Variants in TACC2 observed in about 807,000 individuals in gnomAD.
TACC2 encodes the protein transforming acidic coiled-coil-containing protein 2.
TACC2 carries 137 observed loss-of-function variants against 227.3 expected under a neutral mutation model. The observed-to-expected ratio is 0.60, with a 90% CI of 0.52 to 0.69. TACC2 has a LOEUF of 0.69. TACC2 is among the 30% of genes least tolerant of loss of function. The pLI, the probability that TACC2 is intolerant of heterozygous loss-of-function variation, is 0.00. For synonymous variants in TACC2, 1,523 were observed against 1,487.5 expected, an observed-to-expected ratio of 1.02 and a Z score of -0.55; for missense variants, 3,470 against 3,694.4, an observed-to-expected ratio of 0.94 and a Z score of 1.57.
chr10:122,139,335 C>A (rs1055118444), intron 6 of TACC2, among the ~76,000 whole-genome samples: 1 of 152,238 alleles, frequency 6.6e-6, no homozygotes, highest in Admixed American at 6.5e-5. Flanking sequence ...TGCTCACGCT[C>A]TCACGTGAAC....
chr10:122,000,678 T>C (rs904528992), intron 1 of TACC2, among the ~76,000 whole-genome samples: 2 of 152,230 alleles, frequency 1.3e-5, no homozygotes, highest in Admixed American at 1.3e-4. Flanking sequence ...CATCCTTATG[T>C]ACCCATTACT....
intron 11 of TACC2, among the ~76,000 whole-genome samples, chr10:122,223,036 CCT>C (rs11385698): frequency 0.095 from 13,375 of 140,566 alleles, 1,104 homozygotes; most frequent in East Asian, 0.34. Context: ...CCTTCCTCCT[CCT>C]CTCTCTCTCT....
chr10:122,170,503 T>C (rs933070205), intron 7 of TACC2, among the ~76,000 whole-genome samples: 4 of 152,050 alleles, frequency 2.6e-5, no homozygotes, highest in African/African-American at 4.8e-5. Context: ...GGTTTCATCA[T>C]GTTGGCCAGG....
chr10:122,076,825 A>G (rs1197857849), intron 3 of TACC2, among the ~76,000 whole-genome samples: 1 of 152,084 alleles, frequency 6.6e-6, no homozygotes, highest in African/African-American at 2.4e-5. Flanking sequence ...AAGAATGTTC[A>G]TGATCTGGGC....
chr10:122,157,346 A>T (rs1159786839), intron 7 of TACC2, among the ~76,000 whole-genome samples: 1 of 151,990 alleles, frequency 6.6e-6, no homozygotes, highest in Non-Finnish European at 1.5e-5. Flanking sequence ...TTGCCAGGAG[A>T]GCTGAGGAGC....
In TACC2 at chr10:122,163,621, C is replaced by T. The variant is rs74870492; in HGVS notation, c.5834+19915C>T. Reference sequence around the variant, plus strand: ...GGTTTAAGAGAAGAGCCTTTCGGACCACACCGGCGCTCACGCTCATACCCG... The same window carrying T: ...GGTTTAAGAGAAGAGCCTTTCGGACTACACCGGCGCTCACGCTCATACCCG... On this transcript the variant is annotated intron_variant, in intron 7 of 22. Transcript: ENST00000369005. The T allele has an allele frequency of 0.017, 16,897 of 1,023,756 alleles. 1,997 individuals are homozygous for T. In the African/African-American group the frequency reaches 0.26, roughly 16 times the overall value. The allele number at this position is 1,023,756 out of a possible 1,614,324, so 63.4% of individuals were successfully genotyped here.
At chr10:122,138,681 G>A (rs2139078262) in intron 6 of TACC2, among the ~76,000 whole-genome samples, 1 of 152,324 alleles carries the variant, frequency 6.6e-6, no homozygotes, top group Non-Finnish European at 1.5e-5. Context: ...AGCGTGCTGA[G>A]TGAATTGGGG....
At chr10:122,144,181 C>T (rs2091070596) in intron 7 of TACC2, among the ~76,000 whole-genome samples, 1 of 152,256 alleles carries the variant, frequency 6.6e-6, no homozygotes, top group Non-Finnish European at 1.5e-5. Flanking sequence ...GAAGGTCAAT[C>T]CTTTTCCTTT....
At chr10:122,073,124 AAAATAT>A (rs1428791344) in intron 3 of TACC2, among the ~76,000 whole-genome samples, 34 of 66,038 alleles carry the variant, frequency 5.1e-4, no homozygotes, top group Admixed American at 1.1e-3. Flanking sequence ...AAAAAAAAAA[AAAATAT>A]ATATATATAT....
At chr10:122,173,851 G>A (rs1324112465) in intron 7 of TACC2, among the ~76,000 whole-genome samples, 2 of 152,224 alleles carry the variant, frequency 1.3e-5, no homozygotes, top group African/African-American at 4.8e-5. Context: ...ATGAAAGCCA[G>A]CCCCTCTCTG....
chr10:122,108,182 T>C (rs1308786500), intron 5 of TACC2, among the ~76,000 whole-genome samples: 4 of 151,894 alleles, frequency 2.6e-5, no homozygotes, highest in South Asian at 2.1e-4. Context: ...TGAGCCACTG[T>C]GCCCGGCCAA....
At chr10:122,014,640 C>G (rs7919340) in intron 1 of TACC2, among the ~76,000 whole-genome samples, 69,359 of 151,974 alleles carry the variant, frequency 0.46, 15,969 homozygotes, top group South Asian at 0.6. Flanking sequence ...CCTGCTCTGC[C>G]CACTGTGGCT....
At chr10:122,028,454 T>C (rs1171524090) in intron 2 of TACC2, among the ~76,000 whole-genome samples, 2 of 152,214 alleles carry the variant, frequency 1.3e-5, no homozygotes, top group Non-Finnish European at 2.9e-5. Flanking sequence ...TATTTTATGA[T>C]GTTTATACCT....
At chr10:122,232,750 T>TA (rs1367057169) in intron 16 of TACC2, among the ~76,000 whole-genome samples, 1 of 152,202 alleles carries the variant, frequency 6.6e-6, no homozygotes, top group African/African-American at 2.4e-5. Flanking sequence ...AGTTGGTCCC[T>TA]GTGGGTTTCT....
At chr10:122,240,095 G>T (rs1022202099) in intron 18 of TACC2, among the ~76,000 whole-genome samples, 1 of 152,174 alleles carries the variant, frequency 6.6e-6, no homozygotes, top group African/African-American at 2.4e-5. Flanking sequence ...CATCAGTAAT[G>T]CTGGGAACAG....
At chr10:122,220,571 AG>A (rs1255659992) in intron 11 of TACC2, among the ~76,000 whole-genome samples, 4 of 152,320 alleles carry the variant, frequency 2.6e-5, no homozygotes, top group African/African-American at 7.2e-5. Context: ...ACACACACCC[AG>A]GGGTGCTGAT....
intron 13 of TACC2, among the ~76,000 whole-genome samples, chr10:122,226,992 C>CT (rs2095642646): frequency 6.6e-6 from 1 of 152,178 alleles, no homozygotes; most frequent in Non-Finnish European, 1.5e-5. Flanking sequence ...CTTGCCTCTC[C>CT]TGGGCCTCAG....
intron 5 of TACC2, chr10:122,127,236 C>A (rs1011146991): frequency 3.3e-5 from 5 of 152,734 alleles, no homozygotes; most frequent in African/African-American, 1.2e-4. Flanking sequence ...CTTCACAGTT[C>A]TCCTTTCTTT....
intron 1 of TACC2, among the ~76,000 whole-genome samples, chr10:122,007,171 A>AT (rs1388223146): frequency 4.6e-5 from 7 of 151,510 alleles, no homozygotes; most frequent in Middle Eastern, 3.4e-3. Context: ...CACTTTCCTG[A>AT]TTTTTTTTAA....
Sources: allele counts gnomAD v4.1 joint callset (sites outside exome capture counted in the v4.1 genomes callset), GRCh38; gene constraint gnomAD v4.1.1; transcripts MANE v1.5; gene names NCBI Gene and HGNC (gene_info 2026-07-23, HGNC 2026-07-21).